The following SH3BP2 variants were observed in gnomAD, a reference collection of about 807,000 sequenced individuals.
SH3BP2 encodes SH3 domain-binding protein 2.
SH3BP2 carries 38 observed loss-of-function variants against 56.2 expected under a neutral mutation model. The observed-to-expected ratio is 0.68, with a 90% CI of 0.52 to 0.89. The LOEUF (loss-of-function observed/expected upper bound fraction) is 0.89. SH3BP2 is among the 40% of genes least tolerant of loss of function. The pLI is 0.00. For missense variants in SH3BP2, 748 were observed against 762.6 expected (o/e 0.98, Z 0.23); for synonymous variants, 346 against 316.7 (o/e 1.09, Z -0.98).
chr4:2,796,260 C>T lies in SH3BP2; in HGVS notation c.-5+3122C>T, dbSNP rs76189336. The T allele has an allele frequency of 2.3e-3, 473 of 207,550 alleles. 18 individuals are homozygous for T. In the East Asian group the frequency reaches 0.068, roughly 30 times the overall value. The allele number at this position is 207,550 out of a possible 1,614,324, so 12.9% of individuals were successfully genotyped here. A position where few individuals can be genotyped will look rare whatever the true frequency, so the allele number is the denominator to read the frequency against. On this transcript the variant is annotated intron_variant, in intron 1 of 12. Coordinates refer to ENST00000503393, the MANE Select transcript of SH3BP2 (RefSeq NM_001122681.2). ...TCCTTCAAGGGTGACGCGAGAGAAG[C>T]ACGTGCCCAGGTTCGGGGCGGGTGG...
chr4:2,824,978 G>T, intron 4 of SH3BP2, 148 bp from the exon 5 acceptor site: 1 of 773,992 alleles, frequency 1.3e-6, no homozygotes, highest in Non-Finnish European at 2.2e-6. Context: ...GTGGGCTGAG[G>T]GGAGCCACAC....
rs746109983 is a variant in SH3BP2, at chr4:2,829,849, T to G, written c.943T>G (p.Cys315Gly). Residue 315 changes from cysteine (C) to glycine (G), a missense_variant, in exon 8 of 13, where the codon TGC (cysteine) becomes GGC (glycine). Around this residue, in one of 3 missense-constraint regions of SH3BP2, gnomAD observed 635 missense variants for 615.0 expected, o/e 1.03. Transcript: ENST00000503393. The surrounding 1 kb of genome is among the most constrained non-coding windows in gnomAD (Gnocchi z 4.9). Reference sequence around the variant, plus strand: ...GCCCTGGACCCCTGGCCACGGGGCCTGCTCCACTTCCAGTGCTGCCATCAT... The same window carrying G: ...GCCCTGGACCCCTGGCCACGGGGCCGGCTCCACTTCCAGTGCTGCCATCAT... ...PEPWTPGHGA[C>G]STSSAAIMAT... The G allele has an allele frequency of 6.2e-7, 1 of 1,613,698 alleles. No homozygotes were observed. The highest frequency in any genetic ancestry group is 2.2e-5 in the East Asian group (1 of 44,886).
intron 1 of SH3BP2, among the ~76,000 whole-genome samples, chr4:2,816,256 G>C (rs1268182875): frequency 6.6e-6 from 1 of 152,112 alleles, no homozygotes; most frequent in Non-Finnish European, 1.5e-5. Flanking sequence ...GGCCACGCTG[G>C]TCTCGAACTC....
chr4:2,820,245 G>C (rs1477567711), intron 1 of SH3BP2, among the ~76,000 whole-genome samples: 1 of 152,192 alleles, frequency 6.6e-6, no homozygotes, highest in Non-Finnish European at 1.5e-5. Flanking sequence ...ATGGCCTGAG[G>C]TCTCACTTAC....
In SH3BP2 at chr4:2,837,076, C is replaced by T. The variant is rs1408859825; in HGVS notation, c.*3242C>T. The T allele has an allele frequency of 6.6e-6, 1 of 152,144 alleles. No individual in the cohort carries two copies. The highest frequency in any genetic ancestry group is 1.5e-5 in the Non-Finnish European group (1 of 68,038). The allele number at this position is 152,144 out of a possible 1,614,324, so 9.4% of individuals were successfully genotyped here. Reference sequence around the variant, plus strand: ...TTCTTTTTTTTTTGGGACACAGTCTCACTCTGTCGCCCAGGCTAGAGTGGA... The same window carrying T: ...TTCTTTTTTTTTTGGGACACAGTCTTACTCTGTCGCCCAGGCTAGAGTGGA... On this transcript the variant is annotated 3_prime_UTR_variant, in exon 13 of 13. Coordinates refer to ENST00000503393, the MANE Select transcript of SH3BP2 (RefSeq NM_001122681.2).
At chr4:2,832,071 C>T in intron 10 of SH3BP2, 93 bp downstream of exon 10, 2 of 1,360,176 alleles carry the variant, frequency 1.5e-6, no homozygotes, top group Non-Finnish European at 2.1e-6. Context: ...TGGGGAGTTG[C>T]TGGCACAAGT....
At chr4:2,803,560 C>A (rs1363911381) in intron 1 of SH3BP2, among the ~76,000 whole-genome samples, 4 of 152,160 alleles carry the variant, frequency 2.6e-5, no homozygotes, top group Non-Finnish European at 5.9e-5. Context: ...CTTAAGGGAC[C>A]AAGGCTGGGA....
intron 1 of SH3BP2, chr4:2,799,037 G>T: frequency 1.0e-6 from 1 of 985,510 alleles, no homozygotes; most frequent in Non-Finnish European, 1.2e-6. Context: ...TCAGGTCATC[G>T]AGGCCTCCGG....
intron 1 of SH3BP2, among the ~76,000 whole-genome samples, chr4:2,808,227 A>G (rs959356328): frequency 9.9e-5 from 15 of 152,076 alleles, no homozygotes; most frequent in Non-Finnish European, 1.6e-4. Context: ...GTGGCCGGCG[A>G]TCCTCGGTGC....
In SH3BP2 at chr4:2,835,206, T is replaced by A. The variant is rs754110192; in HGVS notation, c.*1372T>A. On this transcript the variant is annotated 3_prime_UTR_variant, in exon 13 of 13. Coordinates refer to ENST00000503393, the MANE Select transcript of SH3BP2 (RefSeq NM_001122681.2). The stretch of plus-strand genomic sequence containing the variant: ...CTTGGGCCCACTGACAGTGACTGAC[T>A]GGGGGAGAAGGTCCTGCAGCCCCCT... 6.6e-6 allele frequency: 1 copy of A among 152,232 alleles called. No individual in the cohort carries two copies. The highest frequency in any genetic ancestry group is 2.4e-5 in the African/African-American group (1 of 41,426). 9.4% of individuals were successfully genotyped at this position (152,232 alleles called of 1,614,324 possible).
Position 2,830,103 on chromosome 4 carries a change from C to A in SH3BP2, c.1197C>A (p.Pro399=), listed in dbSNP as rs746578391. ...CAGTGCCTGAGGCCATGGCGCGGCC[C>A]GCAGTCCTGCCCAGGCCAGAGAAGC... ...KLPVPEAMAR[P]AVLPRPEKPQ... is the part of the protein sequence containing the mutation. Residue 399 remains proline, a synonymous_variant, in exon 8 of 13, where the codon CCC becomes CCA. Transcript: ENST00000503393. 1.9e-6 allele frequency: 3 copies of A among 1,606,018 alleles called. No individual in the cohort carries two copies. The highest frequency in any genetic ancestry group is 1.3e-5 in the African/African-American group (1 of 74,930).
rs1353910877 is a variant in SH3BP2 at position 2,829,445 on chromosome 4, T to C, written c.587-48T>C. The C allele has an allele frequency of 2.5e-6, 4 of 1,601,070 alleles. No homozygotes were observed. The highest frequency in any genetic ancestry group is 8.6e-7 in the Non-Finnish European group (1 of 1,169,124). On this transcript the variant is annotated intron_variant, in intron 7 of 12. Transcript: ENST00000503393. The surrounding 1 kb of genome is among the most constrained non-coding windows in gnomAD (Gnocchi z 4.9). ...TGACCACTGCCAGCAGAGGATAGTG[T>C]TGGCCCAGTCTCTGTCAGGGTCCAA...
chr4:2,823,354 C>T lies in SH3BP2; in HGVS notation c.239+317C>T, dbSNP rs185504207. 197 of 498,996 alleles carry T rather than the reference C, an allele frequency of 3.9e-4. 2 individuals are homozygous for T. The East Asian group carries it at 4.6e-3, about 12-fold the overall frequency. The allele number at this position is 498,996 out of a possible 1,614,324, so 30.9% of individuals were successfully genotyped here. On this transcript the variant is annotated intron_variant, in intron 3 of 12. Coordinates refer to ENST00000503393, the MANE Select transcript of SH3BP2 (RefSeq NM_001122681.2). ...CCAGTGACTTCTGCATCTCTCCTCC[C>T]TCCCCACCTTGCCCCTTCACCCACC...
At chr4:2,808,707 A>G (rs1038986559) in intron 1 of SH3BP2, among the ~76,000 whole-genome samples, 1 of 151,900 alleles carries the variant, frequency 6.6e-6, no homozygotes, top group African/African-American at 2.4e-5. Context: ...CTCATGCAAA[A>G]CATCTTATTT....
intron 1 of SH3BP2, among the ~76,000 whole-genome samples, chr4:2,811,307 G>A (rs1390105709): frequency 1.3e-5 from 2 of 152,228 alleles, no homozygotes; most frequent in African/African-American, 2.4e-5. Flanking sequence ...CCGTGCCCTA[G>A]GAAGCCTGGC....
At chr4:2,805,430 C>G (rs1028976514) in intron 1 of SH3BP2, among the ~76,000 whole-genome samples, 3 of 152,134 alleles carry the variant, frequency 2.0e-5, no homozygotes, top group African/African-American at 7.2e-5. Context: ...CTGGGGCTGG[C>G]CAGATGGTGT....
At chr4:2,827,143 G>C in intron 5 of SH3BP2, 87 bp from the exon 6 acceptor site, 1 of 982,252 alleles carries the variant, frequency 1.0e-6, no homozygotes, top group Non-Finnish European at 1.6e-6. Flanking sequence ...ATGTATCCGC[G>C]TGTGCCTGTG....
Position 2,830,129 on chromosome 4 carries a change from C to T in SH3BP2, c.1223C>T (p.Pro408Leu), listed in dbSNP as rs766786069. The change falls in exon 8 of 13, where the codon CCG (proline) becomes CTG (leucine). Residue 408 changes from proline (P) to leucine (L), a missense_variant. By Grantham distance (98) the Pro-to-Leu change is moderately conservative. Coordinates refer to ENST00000503393, the MANE Select transcript of SH3BP2 (RefSeq NM_001122681.2). ...GCAGTCCTGCCCAGGCCAGAGAAGC[C>T]GCAGCTCCCGCACCTCCAGTGAGTT... The part of the protein sequence containing the change: ...RPAVLPRPEK[P>L]QLPHLQRSPP... The T allele has an allele frequency of 1.3e-5, 21 of 1,601,294 alleles. No individual in the cohort carries two copies. The highest frequency in any genetic ancestry group is 1.7e-4 in the Middle Eastern group (1 of 6,026).
chr4:2,829,764 C>T lies in SH3BP2; in HGVS notation c.858C>T (p.Pro286=), dbSNP rs1577367576. ...RMSDPPLSTM[P]TAPGLRKPPC... is the part of the protein sequence containing the mutation. The stretch of plus-strand genomic sequence containing the variant: ...GCGATCCCCCTCTGAGCACCATGCC[C>T]ACCGCACCCGGCCTCCGGAAACCCC... The change falls in exon 8 of 13, where the codon CCC becomes CCT. Residue 286 remains proline (P), a synonymous_variant. Coordinates refer to ENST00000503393, the MANE Select transcript of SH3BP2 (RefSeq NM_001122681.2). The surrounding 1 kb of genome is among the most constrained non-coding windows in gnomAD (Gnocchi z 4.9). The T allele has an allele frequency of 6.2e-7, 1 of 1,613,096 alleles. No individual in the cohort carries two copies. Among genetic ancestry groups the T allele is most frequent in the Admixed American group, 1.7e-5 (1 of 60,024 alleles).
Sources: gnomAD v4.1 joint callset for allele counts (sites outside exome capture counted in the v4.1 genomes callset) on GRCh38, gnomAD v4.1.1 for gene constraint, gnomAD v4.1.1 regional missense constraint, Gnocchi (gnomAD v3.1) non-coding constraint, MANE v1.5 for transcripts, NCBI Gene and HGNC (gene_info 2026-07-23, HGNC 2026-07-21) for gene names.